The following SYT1 variants were observed in gnomAD, a reference collection of about 807,000 sequenced individuals.
The protein encoded by SYT1 is synaptotagmin-1.
SYT1 carries 8 observed loss-of-function variants against 44.8 expected under a neutral mutation model. The ratio of observed to expected loss-of-function variants is 0.18; its 90% CI spans 0.10 to 0.32. The LOEUF is 0.32. Among genes scored for constraint, SYT1 ranks in the 10% least tolerant of loss-of-function variants. SYT1 has a pLI of 1.00. For synonymous variants in SYT1, 154 were observed against 188.8 expected, an observed-to-expected ratio of 0.82 and a Z score of 1.51; for missense variants, 286 against 509.3, an observed-to-expected ratio of 0.56 and a Z score of 4.22.
chr12:79,265,371 C>T (rs1878068115), intron 4 of SYT1, among the ~76,000 whole-genome samples: 1 of 152,032 alleles, frequency 6.6e-6, no homozygotes, highest in African/African-American at 2.4e-5. Flanking sequence ...TGATACTGCC[C>T]TGTTGTTGTT....
At chr12:79,411,223 C>A (rs1319885783) in intron 9 of SYT1, among the ~76,000 whole-genome samples, 1 of 152,176 alleles carries the variant, frequency 6.6e-6, no homozygotes, top group African/African-American at 2.4e-5. Flanking sequence ...ATGCCATGGA[C>A]CTGTGTGGCA....
intron 3 of SYT1, among the ~76,000 whole-genome samples, chr12:79,096,449 A>G (rs946827346): frequency 6.6e-6 from 1 of 151,900 alleles, no homozygotes; most frequent in African/African-American, 2.4e-5. Flanking sequence ...GGATCTTTTG[A>G]TCTCCTGAGA....
intron 8 of SYT1, among the ~76,000 whole-genome samples, chr12:79,336,071 A>G (rs1329609015): frequency 6.6e-6 from 1 of 152,186 alleles, no homozygotes; most frequent in Admixed American, 6.5e-5. Context: ...GCTTGGGGAA[A>G]TCACCAGTGC....
chr12:79,373,693 A>G (rs2136054765), intron 9 of SYT1, among the ~76,000 whole-genome samples: 1 of 152,308 alleles, frequency 6.6e-6, no homozygotes, highest in African/African-American at 2.4e-5. Flanking sequence ...TATCACATCG[A>G]CTGAAGTTTT....
At chr12:79,175,722 T>C (rs1871816415) in intron 3 of SYT1, among the ~76,000 whole-genome samples, 1 of 152,040 alleles carries the variant, frequency 6.6e-6, no homozygotes, top group Non-Finnish European at 1.5e-5. Flanking sequence ...TATCATCATT[T>C]GTATGTGGAA....
intron 1 of SYT1, among the ~76,000 whole-genome samples, chr12:78,972,286 A>T (rs1158133461): frequency 1.3e-5 from 2 of 152,186 alleles, no homozygotes; most frequent in East Asian, 3.9e-4. Flanking sequence ...CTGATATATC[A>T]TCTGTGATTT....
chr12:79,178,905 C>T (rs1469104410), intron 3 of SYT1, among the ~76,000 whole-genome samples: 3 of 140,576 alleles, frequency 2.1e-5, no homozygotes, highest in Non-Finnish European at 3.1e-5. Context: ...TGCGCCACCA[C>T]ACCCAGATAT....
chr12:79,169,876 A>C (rs1871411729), intron 3 of SYT1, among the ~76,000 whole-genome samples: 1 of 151,814 alleles, frequency 6.6e-6, no homozygotes, highest in Non-Finnish European at 1.5e-5. Flanking sequence ...AGGCCCCAGG[A>C]TGTGTTGTTC....
chr12:79,172,916 G>A (rs56368724), intron 3 of SYT1, among the ~76,000 whole-genome samples: 132 of 114,506 alleles, frequency 1.2e-3, no homozygotes, highest in African/African-American at 4.4e-3. Context: ...AATTCCATAA[G>A]TTTGTGTCAA....
chr12:79,323,013 A>T (rs1881439253), intron 8 of SYT1, among the ~76,000 whole-genome samples: 1 of 152,138 alleles, frequency 6.6e-6, no homozygotes, highest in Non-Finnish European at 1.5e-5. Context: ...CTCCCGTGGG[A>T]TCTAACAGCC....
intron 3 of SYT1, among the ~76,000 whole-genome samples, chr12:79,177,965 G>A (rs1420465925): frequency 6.7e-6 from 1 of 149,152 alleles, no homozygotes; most frequent in African/African-American, 2.5e-5. Flanking sequence ...CAGATGAGTA[G>A]TTTGCGAAAA....
intron 9 of SYT1, among the ~76,000 whole-genome samples, chr12:79,359,391 C>T (rs1883234053): frequency 6.6e-6 from 1 of 152,098 alleles, no homozygotes; most frequent in Non-Finnish European, 1.5e-5. Context: ...GTTCTATGAC[C>T]CATCCCTAGT....
chr12:79,240,381 C>T (rs1287190456), intron 4 of SYT1, among the ~76,000 whole-genome samples: 1 of 152,096 alleles, frequency 6.6e-6, no homozygotes, highest in East Asian at 1.9e-4. Flanking sequence ...CCATTATAGC[C>T]ACTAAAATAG....
chr12:79,060,972 C>T (rs1875338806), intron 3 of SYT1, among the ~76,000 whole-genome samples: 1 of 151,972 alleles, frequency 6.6e-6, no homozygotes, highest in Non-Finnish European at 1.5e-5. Context: ...CTGGAATTAG[C>T]CTGTCTTCAT....
At chr12:79,131,390 T>G (rs971475535) in intron 3 of SYT1, among the ~76,000 whole-genome samples, 10 of 152,066 alleles carry the variant, frequency 6.6e-5, no homozygotes, top group East Asian at 1.9e-4. Context: ...ACAAGGGTTT[T>G]TTTGTTTGTT....
chr12:79,414,311 G>T (rs569054530), intron 9 of SYT1, among the ~76,000 whole-genome samples: 2 of 152,240 alleles, frequency 1.3e-5, no homozygotes, highest in East Asian at 3.9e-4. Context: ...CCGGAGTATG[G>T]GTGTGTACCA....
chr12:79,179,676 T>A (rs1041447438), intron 3 of SYT1, among the ~76,000 whole-genome samples: 1 of 151,682 alleles, frequency 6.6e-6, no homozygotes, highest in African/African-American at 2.4e-5. Flanking sequence ...CACTTCCGCC[T>A]CCCAAAGTAT....
intron 3 of SYT1, among the ~76,000 whole-genome samples, chr12:79,133,360 G>A (rs1272866723): frequency 6.6e-6 from 1 of 151,896 alleles, no homozygotes; most frequent in Non-Finnish European, 1.5e-5. Flanking sequence ...CTCCAGCCTG[G>A]GTGTCAGAGT....
chr12:79,338,757 G>C (rs1205935083), intron 8 of SYT1, among the ~76,000 whole-genome samples: 3 of 150,760 alleles, frequency 2.0e-5, no homozygotes, highest in Non-Finnish European at 4.4e-5. Context: ...TGCTGTGTTG[G>C]TTTGCCGCAC....
Sources: allele counts gnomAD v4.1 joint callset (sites outside exome capture counted in the v4.1 genomes callset), GRCh38; gene constraint gnomAD v4.1.1; transcripts MANE v1.5; gene names NCBI Gene and HGNC (gene_info 2026-07-23, HGNC 2026-07-21).